Variants in PPP1R12A observed in about 807,000 individuals in gnomAD.
PPP1R12A encodes the protein protein phosphatase 1 regulatory subunit 12A.
PPP1R12A carries 19 observed loss-of-function variants against 139.6 expected under a neutral mutation model. That is an observed-to-expected ratio of 0.14 (90% confidence interval 0.09 to 0.20). The LOEUF (loss-of-function observed/expected upper bound fraction) is 0.20, where lower values mean the gene tolerates loss of function less well. PPP1R12A is among the 10% of genes least tolerant of loss of function. The probability of loss-of-function intolerance (pLI) is 1.00; values close to 1 mark genes in which losing one functional copy is unlikely to be tolerated. For synonymous variants in PPP1R12A, 427 were observed against 420.6 expected (o/e 1.02, Z -0.19); for missense variants, 925 against 1,211.5 (o/e 0.76, Z 3.51).
chr12:79,899,172 C>T lies in PPP1R12A; in HGVS notation c.238-26234G>A, dbSNP rs1036781157. 2.0e-5 allele frequency among the ~76,000 whole-genome samples: 3 copies of T among 148,856 alleles called. No homozygotes were observed. In the South Asian group the frequency reaches 6.4e-4, roughly 32 times the overall value. ...AGCATGTTTGTCATTAATTAGAGTT[C>T]AATATATTTCATTTTCTTTTGATGC... On this transcript the variant is annotated intron_variant, in intron 1 of 24. Coordinates refer to ENST00000450142, the MANE Select transcript of PPP1R12A (RefSeq NM_002480.3).
At chr12:79,811,832 T>A (rs1874575562) in intron 9 of PPP1R12A, among the ~76,000 whole-genome samples, 1 of 151,974 alleles carries the variant, frequency 6.6e-6, no homozygotes, top group South Asian at 2.1e-4. Context: ...CCACATTAGG[T>A]CTCCCACCTC....
At chr12:79,886,566 G>C (rs1230133423) in intron 1 of PPP1R12A, among the ~76,000 whole-genome samples, 1 of 152,054 alleles carries the variant, frequency 6.6e-6, no homozygotes, top group Non-Finnish European at 1.5e-5. Flanking sequence ...ACAAACAAAA[G>C]TTGAGGCTTA....
intron 3 of PPP1R12A, among the ~76,000 whole-genome samples, chr12:79,833,576 G>A (rs1382894675): frequency 6.6e-6 from 1 of 151,378 alleles, no homozygotes; most frequent in Non-Finnish European, 1.5e-5. Context: ...TGTAATTCAA[G>A]CACTTTGAGA....
At chr12:79,908,238 C>T (rs548434399) in intron 1 of PPP1R12A, among the ~76,000 whole-genome samples, 5 of 152,172 alleles carry the variant, frequency 3.3e-5, no homozygotes, top group East Asian at 3.9e-4. Flanking sequence ...TAAAACAGGG[C>T]GAGGATCCAA....
chr12:79,913,094 CTGG>C (rs2136919307), intron 1 of PPP1R12A, among the ~76,000 whole-genome samples: 1 of 152,320 alleles, frequency 6.6e-6, no homozygotes, highest in South Asian at 2.1e-4. Flanking sequence ...TTGCATTTCT[CTGG>C]TGAATGAGAT....
chr12:79,912,005 G>A (rs577544561), intron 1 of PPP1R12A, among the ~76,000 whole-genome samples: 2 of 152,252 alleles, frequency 1.3e-5, no homozygotes, highest in Non-Finnish European at 2.9e-5. Flanking sequence ...TATACTGTTT[G>A]CTATACCATT....
intron 1 of PPP1R12A, among the ~76,000 whole-genome samples, chr12:79,874,655 A>G (rs543253162): frequency 6.6e-6 from 1 of 152,206 alleles, no homozygotes; most frequent in East Asian, 1.9e-4. Flanking sequence ...GAATATAAAG[A>G]AGTCCTAAAA....
intron 2 of PPP1R12A, among the ~76,000 whole-genome samples, chr12:79,864,944 G>C (rs1275620871): frequency 1.3e-5 from 2 of 152,182 alleles, no homozygotes; most frequent in East Asian, 3.8e-4. Flanking sequence ...CAGAAAAAGA[G>C]GCAATCCTCC....
At chr12:79,797,925 A>T (rs1176866289) in intron 15 of PPP1R12A, among the ~76,000 whole-genome samples, 1 of 152,156 alleles carries the variant, frequency 6.6e-6, no homozygotes, top group Non-Finnish European at 1.5e-5. Flanking sequence ...TGGACTGTGG[A>T]GCTTCTTAAC....
chr12:79,915,755 G>C (rs908594773), intron 1 of PPP1R12A, among the ~76,000 whole-genome samples: 3 of 152,062 alleles, frequency 2.0e-5, no homozygotes, highest in Non-Finnish European at 4.4e-5. Flanking sequence ...TCAAGATTAA[G>C]AACACAAGGA....
chr12:79,843,401 C>A (rs1878984659), intron 3 of PPP1R12A, among the ~76,000 whole-genome samples: 1 of 151,722 alleles, frequency 6.6e-6, no homozygotes, highest in Admixed American at 6.6e-5. Context: ...CACGGTAAAA[C>A]CCCATCTCTA....
intron 1 of PPP1R12A, among the ~76,000 whole-genome samples, chr12:79,891,146 T>G (rs1328626504): frequency 6.6e-6 from 1 of 152,084 alleles, no homozygotes; most frequent in East Asian, 1.9e-4. Context: ...AACCTAGTAA[T>G]TATTCAGCTA....
At position 79,817,423 on chromosome 12, in the gene PPP1R12A, G is replaced by T. The variant is rs1396615061; in HGVS notation, c.1210C>A (p.Gln404Lys). ...TTAATAGGTGATGTAGGTGTTGCTT[G>T]ACCTGATGACACAGTAGGTGTTGTA... is the stretch of plus-strand genomic sequence containing the variant. Reference protein sequence around the residue: ...AVTTPTVSSGQATPTSPIKKF... With the variant: ...AVTTPTVSSGKATPTSPIKKF... Residue 404 changes from glutamine (Q) to lysine (K), a missense_variant, in exon 9 of 25, where the codon CAA becomes AAA. Transcript: ENST00000450142. 1 of 1,612,008 alleles carries T rather than the reference G, an allele frequency of 6.2e-7. No individual in the cohort carries two copies. Among genetic ancestry groups the T allele is most frequent in the South Asian group, 1.1e-5 (1 of 90,712 alleles).
chr12:79,817,563 G>A, intron 8 of PPP1R12A, 45 bp from the exon 9 acceptor site: 1 of 1,504,284 alleles, frequency 6.6e-7, no homozygotes. Context: ...ATATATATTT[G>A]GTCTCAATGG....
chr12:79,915,251 T>C (rs1430246956), intron 1 of PPP1R12A, among the ~76,000 whole-genome samples: 1 of 152,134 alleles, frequency 6.6e-6, no homozygotes, highest in Non-Finnish European at 1.5e-5. Context: ...TGTGTGAGAA[T>C]GTATGCATGT....
At chr12:79,929,763 C>T (rs182699695) in intron 1 of PPP1R12A, among the ~76,000 whole-genome samples, 1 of 145,442 alleles carries the variant, frequency 6.9e-6, no homozygotes, top group Non-Finnish European at 1.5e-5. Context: ...AATGAGACTC[C>T]ATCTCAAAAA....
intron 1 of PPP1R12A, among the ~76,000 whole-genome samples, chr12:79,929,386 T>C (rs1356305600): frequency 1.3e-5 from 2 of 152,086 alleles, no homozygotes; most frequent in African/African-American, 4.8e-5. Flanking sequence ...AGTAATTAAT[T>C]AGTGACTCAA....
At chr12:79,929,625 C>T (rs1888100457) in intron 1 of PPP1R12A, among the ~76,000 whole-genome samples, 2 of 152,008 alleles carry the variant, frequency 1.3e-5, no homozygotes, top group African/African-American at 4.8e-5. Context: ...AAAAATTAGC[C>T]AGGCATGGTG....
At chr12:79,821,637 G>A (rs1003439634) in intron 6 of PPP1R12A, among the ~76,000 whole-genome samples, 4 of 151,632 alleles carry the variant, frequency 2.6e-5, no homozygotes, top group South Asian at 2.1e-4. Context: ...CCTGTAGTCC[G>A]AGCTACTCAG....
Sources: gnomAD v4.1 joint callset for allele counts (sites outside exome capture counted in the v4.1 genomes callset) on GRCh38, gnomAD v4.1.1 for gene constraint, MANE v1.5 for transcripts, NCBI Gene and HGNC (gene_info 2026-07-23, HGNC 2026-07-21) for gene names.